RYR1: variants seen among roughly 807,000 people sequenced by gnomAD.
The protein encoded by RYR1 is ryanodine receptor 1.
Under a neutral mutation model 583.5 loss-of-function variants are expected in RYR1, and 342 were observed. That is an observed-to-expected ratio of 0.59 (90% CI 0.54 to 0.64). RYR1 has a LOEUF of 0.64. RYR1 is among the 30% of genes least tolerant of loss of function. The pLI, the probability that RYR1 is intolerant of heterozygous loss-of-function variation, is 0.00. For synonymous variants in RYR1, 2,791 were observed against 2,822.5 expected, an observed-to-expected ratio of 0.99 and a Z score of 0.35; for missense variants, 6,032 against 6,917.2, an observed-to-expected ratio of 0.87 and a Z score of 4.54.
chr19:38,526,304 C>T (rs1279039858), intron 71 of RYR1, among the ~76,000 whole-genome samples: 2 of 151,980 alleles, frequency 1.3e-5, no homozygotes, highest in Non-Finnish European at 2.9e-5. Context: ...CTAAGGAACC[C>T]TCCCAGGATT....
At position 38,525,225 on chromosome 19, in the gene RYR1, A is replaced by G; in HGVS notation, c.10456-107A>G. The G allele has an allele frequency of 3.1e-6, 4 of 1,307,094 alleles. No individual in the cohort carries two copies. In the South Asian group the frequency reaches 4.7e-5, roughly 15 times the overall value. The allele number at this position is 1,307,094 out of a possible 1,614,324, so 81.0% of individuals were successfully genotyped here. A position where few individuals can be genotyped will look rare whatever the true frequency, so the allele number is the denominator to read the frequency against. ...AGGTGTCGTCGGCAGTTGGGGAGGG[A>G]GTGCCTGGTGTCCAGACTGGGGCCT... is the stretch of plus-strand genomic sequence containing the variant. On this transcript the variant is annotated intron_variant, in intron 70 of 105. Transcript: ENST00000359596.
intron 99 of RYR1, 31 bp downstream of exon 99, chr19:38,578,235 C>T (rs750457622): frequency 6.2e-7 from 1 of 1,609,248 alleles, no homozygotes; most frequent in African/African-American, 1.3e-5. Flanking sequence ...TGGGGAGGGA[C>T]TCTGCAGGGG....
At chr19:38,463,931 G>A in intron 22 of RYR1, 81 bp downstream of exon 22, 1 of 1,050,894 alleles carries the variant, frequency 9.5e-7, no homozygotes, top group Middle Eastern at 2.3e-4. Flanking sequence ...AGGGCAGGAG[G>A]TAGAGACTGA....
At chr19:38,460,252 C>A in intron 19 of RYR1, 123 bp from the exon 20 acceptor site, 1 of 863,190 alleles carries the variant, frequency 1.2e-6, no homozygotes, top group Non-Finnish European at 2.0e-6. Context: ...TATGACTGCC[C>A]GGTGACCTTT....
chr19:38,560,056 A>G (rs903247258), intron 89 of RYR1, among the ~76,000 whole-genome samples: 15 of 152,192 alleles, frequency 9.9e-5, no homozygotes, highest in African/African-American at 3.6e-4. Flanking sequence ...AATGTTCAAG[A>G]AAAGTGTTGT....
At chr19:38,568,994 A>T (rs1973580795) in intron 93 of RYR1, among the ~76,000 whole-genome samples, 1 of 151,772 alleles carries the variant, frequency 6.6e-6, no homozygotes, top group Non-Finnish European at 1.5e-5. Context: ...ACATAGGGAG[A>T]TCCCTGTCTC....
rs147924726 is a variant in RYR1 at position 38,464,106 on chromosome 19, G to A, written c.2786+256G>A. ...AGTCTGGCCAACATGGCAAAACCCC[G>A]TCTCTACTAAAAATACAAAACTTAG... On this transcript the variant is annotated intron_variant, in intron 22 of 105. Coordinates refer to ENST00000359596, the MANE Select transcript of RYR1 (RefSeq NM_000540.3). Among the ~76,000 whole-genome samples the A allele has an allele frequency of 1.8e-4, 27 of 151,778 alleles. No individual in the cohort carries two copies. The East Asian group carries it at 3.1e-3, about 17-fold the overall frequency.
chr19:38,454,933 G>A (rs1967284357), intron 13 of RYR1, among the ~76,000 whole-genome samples: 1 of 152,028 alleles, frequency 6.6e-6, no homozygotes, highest in South Asian at 2.1e-4. Flanking sequence ...TGAGTAGGAT[G>A]GAGAGAAAAG....
At chr19:38,523,655 A>T in intron 69 of RYR1, 1 of 585,768 alleles carries the variant, frequency 1.7e-6, no homozygotes, top group Non-Finnish European at 3.0e-6. Context: ...CCTCCTCCCC[A>T]TTTTCCCCCT....
intron 56 of RYR1, 45 bp downstream of exon 56, chr19:38,506,591 C>T (rs112711922): frequency 1.7e-5 from 27 of 1,607,420 alleles, no homozygotes; most frequent in African/African-American, 1.6e-4. Context: ...GTGGATTCAC[C>T]GTGTGGTTTT....
chr19:38,514,492 G>A (rs200793674), intron 63 of RYR1, among the ~76,000 whole-genome samples: 13 of 151,864 alleles, frequency 8.6e-5, no homozygotes, highest in African/African-American at 2.9e-4. Context: ...TGTTGCCCAG[G>A]CTGGTCTCGA....
At chr19:38,535,805 G>A (rs957818065) in intron 81 of RYR1, 192 bp from the exon 82 acceptor site, 14 of 667,214 alleles carry the variant, frequency 2.1e-5, no homozygotes, top group African/African-American at 2.0e-4. Context: ...TTCAGCTTGC[G>A]CATGGTTCAT....
Position 38,523,211 on chromosome 19 carries a change from C to G in RYR1, c.10348-6C>G, listed in dbSNP as rs193922837. The G allele has an allele frequency of 2.7e-5, 43 of 1,614,248 alleles. No individual in the cohort carries two copies. The African/African-American group carries it at 4.5e-4, about 17-fold the overall frequency. On this transcript the variant is annotated splice_polypyrimidine_tract_variant and splice_region_variant and intron_variant, in intron 68 of 105. Transcript: ENST00000359596. ...GTCCGGTCTGCAACACTGCTTCCCC[C>G]ACCAGAACTTCAAGCGCGAGGAGCA...
chr19:38,532,464 GACC>G (rs765747245), intron 76 of RYR1, 23 bp from the exon 77 acceptor site: 143 of 1,613,800 alleles, frequency 8.9e-5, no homozygotes, highest in Non-Finnish European at 1.1e-4. Flanking sequence ...ACCGGGTCCT[GACC>G]ACTCCCCTGC....
Position 38,500,850 on chromosome 19 carries a change from G to T in RYR1, c.7474G>T (p.Ala2492Ser). 1 of 1,613,116 alleles carries T rather than the reference G, an allele frequency of 6.2e-7. No individual in the cohort carries two copies. The highest frequency in any genetic ancestry group is 8.5e-7 in the Non-Finnish European group (1 of 1,179,604). ...GGCTCTGGTGCAGCCAAAGATGTCA[G>T]CATCCTTCGTGCCGGACCACAAGGC... The part of the protein sequence containing the change: ...DGALVQPKMS[A>S]SFVPDHKASM... Residue 2492 changes from alanine (A) to serine (S), a missense_variant, in exon 47 of 106, where the codon GCA (alanine) becomes TCA (serine). Around this residue, in one of 11 missense-constraint regions of RYR1, gnomAD observed 2,627 missense variants for 2,961.3 expected, o/e 0.89. Transcript: ENST00000359596. The surrounding 1 kb of genome is among the most constrained non-coding windows in gnomAD (Gnocchi z 5.9).
chr19:38,499,611 C>A lies in RYR1; in HGVS notation c.7028-24C>A. The A allele has an allele frequency of 6.3e-7, 1 of 1,596,436 alleles. No individual in the cohort carries two copies. Among genetic ancestry groups the A allele is most frequent in the South Asian group, 1.1e-5 (1 of 90,858 alleles). On this transcript the variant is annotated intron_variant, in intron 43 of 105. Coordinates refer to ENST00000359596, the MANE Select transcript of RYR1 (RefSeq NM_000540.3). This position sits in a 1 kb window ranked among gnomAD's most constrained non-coding sequence, Gnocchi z 7.3. ...GTCTCTGATGGTGGCTCATGAGACC[C>A]CCTTTCCCCATGCGGGTGGCCAGGC...
chr19:38,437,204 C>G (rs902353668), intron 1 of RYR1, among the ~76,000 whole-genome samples: 1 of 151,968 alleles, frequency 6.6e-6, no homozygotes, highest in Non-Finnish European at 1.5e-5. Flanking sequence ...GCATGCACCA[C>G]TACGCCCGGC....
At chr19:38,579,917 A>T (rs1599663812) in intron 99 of RYR1, 65 bp from the exon 100 acceptor site, 4 of 1,607,590 alleles carry the variant, frequency 2.5e-6, no homozygotes, top group Non-Finnish European at 3.4e-6. Context: ...AGTGGCCCCT[A>T]CCCTCCAGAG....
chr19:38,479,391 T>A (rs113530382), intron 31 of RYR1, among the ~76,000 whole-genome samples: 6 of 152,320 alleles, frequency 3.9e-5, no homozygotes, highest in African/African-American at 1.4e-4. Context: ...CATTGTTGGT[T>A]ATGAAATTTT....
Sources: gnomAD v4.1 joint callset for allele counts (sites outside exome capture counted in the v4.1 genomes callset) on GRCh38, gnomAD v4.1.1 for gene constraint, gnomAD v4.1.1 regional missense constraint, Gnocchi (gnomAD v3.1) non-coding constraint, MANE v1.5 for transcripts, NCBI Gene and HGNC (gene_info 2026-07-23, HGNC 2026-07-21) for gene names.